The following VIL1 variants were observed in gnomAD, a reference collection of about 807,000 sequenced individuals.
The protein encoded by VIL1 is villin-1.
A neutral mutation model predicts 104.0 loss-of-function variants in VIL1; 86 were observed. The ratio of observed to expected loss-of-function variants is 0.83; its 90% CI spans 0.69 to 0.99. The LOEUF (loss-of-function observed/expected upper bound fraction) is 0.99. Among genes scored for constraint, VIL1 ranks in the 50% least tolerant of loss-of-function variants. VIL1 has a pLI of 0.00. For missense variants in VIL1, 944 were observed against 1,054.1 expected (o/e 0.90, Z 1.45); for synonymous variants, 394 against 412.6 (o/e 0.95, Z 0.55).
intron 4 of VIL1, among the ~76,000 whole-genome samples, chr2:218,427,296 G>A (rs1689018300): frequency 6.6e-6 from 1 of 150,936 alleles, no homozygotes; most frequent in South Asian, 2.1e-4. Context: ...CCTGTCCTCA[G>A]GATTCTGTCC....
At position 218,436,474 on chromosome 2, in the gene VIL1, T is replaced by C; in HGVS notation, c.1827-8T>C. On this transcript the variant is annotated splice_region_variant and splice_polypyrimidine_tract_variant and intron_variant, in intron 15 of 19. Coordinates refer to ENST00000248444, the MANE Select transcript of VIL1 (RefSeq NM_007127.3). ...TTCTGCCAGTACAATCTTCTCTCCATCCTGCAGACTACAGGAAGAAAACCT... is the reference window on the plus strand; with the variant it reads ...TTCTGCCAGTACAATCTTCTCTCCACCCTGCAGACTACAGGAAGAAAACCT... 3 of 1,612,994 alleles carry C rather than the reference T, an allele frequency of 1.9e-6. No homozygotes were observed. In the South Asian group the frequency reaches 3.3e-5, roughly 18 times the overall value.
chr2:218,442,747 T>C (rs1689304562), intron 19 of VIL1, among the ~76,000 whole-genome samples: 1 of 152,150 alleles, frequency 6.6e-6, no homozygotes, highest in African/African-American at 2.4e-5. Context: ...CATAAAGTAG[T>C]CTTACAAATG....
chr2:218,445,490 A>C (rs1487774838), intron 19 of VIL1, among the ~76,000 whole-genome samples: 1 of 152,120 alleles, frequency 6.6e-6, no homozygotes, highest in Non-Finnish European at 1.5e-5. Flanking sequence ...GGCTTCCAGG[A>C]ACCTTAAGGA....
At chr2:218,424,974 A>G (rs1244123093) in intron 3 of VIL1, among the ~76,000 whole-genome samples, 1 of 151,378 alleles carries the variant, frequency 6.6e-6, no homozygotes, top group African/African-American at 2.4e-5. Flanking sequence ...AGTCATCTTC[A>G]TATCACCTTG....
At chr2:218,444,401 TC>T (rs1462253395) in intron 19 of VIL1, among the ~76,000 whole-genome samples, 1 of 152,126 alleles carries the variant, frequency 6.6e-6, no homozygotes, top group Non-Finnish European at 1.5e-5. Context: ...TTCCTCAGCC[TC>T]CCGAGTAGCT....
rs138709499 is a variant in VIL1, at chr2:218,425,638, G to A, written c.174G>A (p.Leu58=). The A allele has an allele frequency of 2.2e-5, 36 of 1,614,090 alleles. No individual in the cohort carries two copies. The highest frequency in any genetic ancestry group is 2.9e-5 in the Non-Finnish European group (34 of 1,180,038). Residue 58 remains leucine, a synonymous_variant, in exon 4 of 20, where the codon CTG becomes CTA. Transcript: ENST00000248444. ...AGATCCACAAGACAGCCAGCAGCCT[G>A]TCCTATGACATCCACTACTGGATTG... ...ILAIHKTASS[L]SYDIHYWIGQ... is the part of the protein sequence containing the mutation.
In VIL1 at chr2:218,430,892, G is replaced by C. The variant is rs199711725; in HGVS notation, c.1102+14G>C. 1.9e-6 allele frequency: 3 copies of C among 1,606,602 alleles called. No homozygotes were observed. The highest frequency in any genetic ancestry group is 1.3e-5 in the African/African-American group (1 of 74,730). On this transcript the variant is annotated intron_variant, in intron 10 of 19. Transcript: ENST00000248444. ...TGGGCTCCGTGGGTGAGGGCCAGGC[G>C]GGGGCAGTGAGGGAGCCAGGATCCA... is the stretch of plus-strand genomic sequence containing the variant.
intron 3 of VIL1, among the ~76,000 whole-genome samples, 167 bp from the exon 4 acceptor site, chr2:218,425,448 A>G (rs775989240): frequency 1.6e-4 from 24 of 152,322 alleles, no homozygotes; most frequent in South Asian, 6.2e-4. Context: ...CAGAGAGTCA[A>G]TGGTAGAGCT....
rs1172915021 is a variant in VIL1, at chr2:218,434,507, C to T, written c.1501-19C>T. The T allele has an allele frequency of 6.2e-7, 1 of 1,601,832 alleles. No individual in the cohort carries two copies. The highest frequency in any genetic ancestry group is 8.5e-7 in the Non-Finnish European group (1 of 1,174,088). ...GTGACTCCTGACTCTCTCTCCCTGT[C>T]TTCTGCCCTCACCTGCAGGGAGGCA... On this transcript the variant is annotated intron_variant, in intron 13 of 19. Transcript: ENST00000248444.
At chr2:218,433,039 C>T in intron 13 of VIL1, 88 bp downstream of exon 13, 1 of 1,538,572 alleles carries the variant, frequency 6.5e-7, no homozygotes, top group African/African-American at 1.4e-5. Flanking sequence ...GTGGTGGGAG[C>T]AGGGCTTGAG....
chr2:218,431,514 G>A (rs1342104372), intron 10 of VIL1, among the ~76,000 whole-genome samples: 2 of 152,250 alleles, frequency 1.3e-5, no homozygotes, highest in South Asian at 4.2e-4. Context: ...AAGTAATAGT[G>A]TACAGCCCCC....
chr2:218,422,526 C>T (rs112429996), intron 1 of VIL1, among the ~76,000 whole-genome samples: 62 of 152,242 alleles, frequency 4.1e-4, no homozygotes, highest in African/African-American at 1.3e-3. Flanking sequence ...GCTAATCAGT[C>T]GGAGCAGGCA....
At chr2:218,430,525 G>A (rs1449162553) in intron 9 of VIL1, among the ~76,000 whole-genome samples, 200 bp from the exon 10 acceptor site, 1 of 152,134 alleles carries the variant, frequency 6.6e-6, no homozygotes, top group Non-Finnish European at 1.5e-5. Context: ...TAGGTTTCAG[G>A]CGGTATCAGA....
At chr2:218,424,378 G>A in intron 3 of VIL1, 27 bp downstream of exon 3, 2 of 1,609,882 alleles carry the variant, frequency 1.2e-6, no homozygotes, top group African/African-American at 1.3e-5. Flanking sequence ...GGAGGGGGCT[G>A]AGCAGAGAGC....
chr2:218,435,355 C>G lies in VIL1; in HGVS notation c.1747C>G (p.Gln583Glu). Reference protein sequence around the residue: ...VADTISRTEKQVVVEGQEPAN... With the variant: ...VADTISRTEKEVVVEGQEPAN... The stretch of plus-strand genomic sequence containing the variant: ...TGACACCATCTCCCGGACGGAGAAG[C>G]AAGTGGTGGTGGAAGGGCAGGAGCC... Residue 583 changes from glutamine (Q) to glutamate (E), a missense_variant, in exon 15 of 20, where the codon CAA (glutamine) becomes GAA (glutamate). Gln to Glu is a conservative substitution (Grantham distance 29). Coordinates refer to ENST00000248444, the MANE Select transcript of VIL1 (RefSeq NM_007127.3). 1 of 1,614,104 alleles carries G rather than the reference C, an allele frequency of 6.2e-7. No individual in the cohort carries two copies. Among genetic ancestry groups the G allele is most frequent in the South Asian group, 1.1e-5 (1 of 91,076 alleles).
At position 218,434,631 on chromosome 2, in the gene VIL1, C is replaced by G; in HGVS notation, c.1606C>G (p.Arg536Gly). 1 of 1,614,142 alleles carries G rather than the reference C, an allele frequency of 6.2e-7. No individual in the cohort carries two copies. Among genetic ancestry groups the G allele is most frequent in the African/African-American group, 1.3e-5 (1 of 75,030 alleles). Residue 536 changes from arginine to glycine, a missense_variant, in exon 14 of 20, where the codon CGG becomes GGG. Transcript: ENST00000248444. ...NNTKAFEVPA[R>G]ANFLNSNDVF... ...CACCAAGGCCTTTGAGGTCCCAGCG[C>G]GGGCCAATTTCCTCAATTCCAATGA...
chr2:218,427,817 A>C, intron 4 of VIL1, 148 bp from the exon 5 acceptor site: 2 of 681,246 alleles, frequency 2.9e-6, no homozygotes, highest in Non-Finnish European at 5.2e-6. Flanking sequence ...GTGACTCCCT[A>C]AAGTTTGCGC....
chr2:218,435,458 C>G, intron 15 of VIL1, 24 bp downstream of exon 15: 12 of 1,609,486 alleles, frequency 7.5e-6, no homozygotes, highest in Non-Finnish European at 1.0e-5. Context: ...CCCTCCGCCT[C>G]CAGGTTACCA....
chr2:218,441,916 G>A (rs530453370), intron 19 of VIL1, among the ~76,000 whole-genome samples: 1 of 152,296 alleles, frequency 6.6e-6, no homozygotes, highest in Admixed American at 6.5e-5. Context: ...GAACCCAGGA[G>A]GTGGAGGTTG....
Sources: allele counts gnomAD v4.1 joint callset (sites outside exome capture counted in the v4.1 genomes callset), GRCh38; gene constraint gnomAD v4.1.1; transcripts MANE v1.5; gene names NCBI Gene and HGNC (gene_info 2026-07-23, HGNC 2026-07-21).